REEP1: variants seen among roughly 807,000 people sequenced by gnomAD.
REEP1 encodes receptor expression-enhancing protein 1.
REEP1 carries 22 observed loss-of-function variants against 40.3 expected under a neutral mutation model. The ratio of observed to expected loss-of-function variants is 0.55; its 90% confidence interval spans 0.39 to 0.78. The LOEUF is 0.78. Among genes scored for constraint, REEP1 ranks in the 30% least tolerant of loss-of-function variants. REEP1 has a pLI of 0.00. For missense variants in REEP1, 280 were observed against 361.1 expected, an observed-to-expected ratio of 0.78 and a Z score of 1.82; for synonymous variants, 116 against 139.2, an observed-to-expected ratio of 0.83 and a Z score of 1.17.
intron 1 of REEP1, among the ~76,000 whole-genome samples, chr2:86,300,503 T>C (rs538959814): frequency 6.6e-6 from 1 of 152,202 alleles, no homozygotes; most frequent in Non-Finnish European, 1.5e-5. Context: ...ATGGCCGTGC[T>C]TGGCCATATA....
chr2:86,337,889 G>A (rs1010876690), upstream of REEP1: 232 of 941,398 alleles, frequency 2.5e-4, no homozygotes, highest in Middle Eastern at 6.5e-4. The surrounding 1 kb of genome is among the most constrained non-coding windows in gnomAD (Gnocchi z 5.8). Context: ...AGGGACCCGG[G>A]TGCTGCCCCA....
At chr2:86,265,562 T>A (rs1199787044) in intron 2 of REEP1, among the ~76,000 whole-genome samples, 1 of 150,896 alleles carries the variant, frequency 6.6e-6, no homozygotes, top group African/African-American at 2.5e-5. Context: ...GAAAATGGGG[T>A]GTATATACAT....
chr2:86,219,419 T>C (rs1467318467), intron 8 of REEP1, among the ~76,000 whole-genome samples: 1 of 151,762 alleles, frequency 6.6e-6, no homozygotes, highest in Non-Finnish European at 1.5e-5. Flanking sequence ...AAGACCTAGA[T>C]ACTTTACCAC....
chr2:86,306,823 G>C (rs919569455), intron 1 of REEP1, among the ~76,000 whole-genome samples: 6 of 151,802 alleles, frequency 4.0e-5, no homozygotes, highest in African/African-American at 1.5e-4. Context: ...TCAGTACTCT[G>C]TGTGAAAAGC....
intron 1 of REEP1, among the ~76,000 whole-genome samples, chr2:86,313,305 T>C (rs1390759326): frequency 1.1e-4 from 17 of 151,240 alleles, no homozygotes; most frequent in East Asian, 3.9e-4. Flanking sequence ...CTTTTCTTTT[T>C]TTTTTTTTTG....
rs116823373 is a variant in REEP1 at position 86,243,600 on chromosome 2, C to T, written c.417+8357G>A. On this transcript the variant is annotated intron_variant, in intron 5 of 8. Coordinates refer to ENST00000538924, the MANE Select transcript of REEP1 (RefSeq NM_001371279.1). ...CTCCAGGTAGAAACACTGGGAGAGC[C>T]GGAATCCAGCACACTGGTAAAAAGT... 2.2e-3 allele frequency among the ~76,000 whole-genome samples: 338 copies of T among 152,276 alleles called. 6 individuals are homozygous for T. The highest frequency in any genetic ancestry group is 7.7e-3 in the African/African-American group (319 of 41,534).
intron 5 of REEP1, among the ~76,000 whole-genome samples, chr2:86,249,001 G>C (rs556496870): frequency 2.6e-5 from 4 of 152,292 alleles, no homozygotes; most frequent in Middle Eastern, 3.4e-3. Context: ...TGGGATGCCT[G>C]TAATCCCAGC....
intron 6 of REEP1, among the ~76,000 whole-genome samples, chr2:86,229,509 C>A (rs1674893837): frequency 6.6e-6 from 1 of 151,968 alleles, no homozygotes; most frequent in Admixed American, 6.6e-5. Context: ...GGCATGTTGA[C>A]CTTACTTCAG....
At chr2:86,218,723 G>T (rs1463180483) in intron 8 of REEP1, among the ~76,000 whole-genome samples, 1 of 152,350 alleles carries the variant, frequency 6.6e-6, no homozygotes, top group African/African-American at 2.4e-5. Flanking sequence ...CAGTGTCCAA[G>T]CCCAGAACAT....
At chr2:86,245,160 G>A (rs951999942) in intron 5 of REEP1, among the ~76,000 whole-genome samples, 3 of 151,956 alleles carry the variant, frequency 2.0e-5, no homozygotes, top group Non-Finnish European at 4.4e-5. Flanking sequence ...CAAAGGGGGT[G>A]GGGGGCTAGT....
chr2:86,311,004 A>G (rs1450343580), intron 1 of REEP1, among the ~76,000 whole-genome samples: 1 of 152,134 alleles, frequency 6.6e-6, no homozygotes, highest in East Asian at 1.9e-4. Context: ...TTCAGTCTAG[A>G]AGGGTCTAGG....
intron 4 of REEP1, among the ~76,000 whole-genome samples, chr2:86,254,489 G>A (rs796267215): frequency 1.4e-4 from 21 of 152,170 alleles, no homozygotes; most frequent in African/African-American, 5.1e-4. Context: ...AGTAAATAAT[G>A]ACAAATAACA....
intron 1 of REEP1, among the ~76,000 whole-genome samples, chr2:86,319,620 A>G (rs970517506): frequency 4.6e-5 from 7 of 152,108 alleles, no homozygotes; most frequent in African/African-American, 1.4e-4. Context: ...ACTTGAACCT[A>G]GGAGGCAATG....
At chr2:86,227,594 A>G (rs1674779780) in intron 6 of REEP1, among the ~76,000 whole-genome samples, 196 bp from the exon 7 acceptor site, 1 of 152,142 alleles carries the variant, frequency 6.6e-6, no homozygotes, top group Non-Finnish European at 1.5e-5. Context: ...TCAGGTGCAG[A>G]AGATACCCTC....
chr2:86,258,649 T>A (rs866923783), intron 3 of REEP1, among the ~76,000 whole-genome samples: 2 of 152,206 alleles, frequency 1.3e-5, no homozygotes, highest in Non-Finnish European at 2.9e-5. Context: ...CCTAGAGGCC[T>A]TGGGGTCCCT....
chr2:86,238,637 C>T (rs1035514508), intron 5 of REEP1, among the ~76,000 whole-genome samples: 79 of 152,114 alleles, frequency 5.2e-4, no homozygotes, highest in African/African-American at 1.9e-3. Flanking sequence ...GAGGATCCTG[C>T]TGAACAAGCC....
intron 6 of REEP1, among the ~76,000 whole-genome samples, chr2:86,231,075 C>T (rs954912309): frequency 6.6e-6 from 1 of 152,204 alleles, no homozygotes; most frequent in African/African-American, 2.4e-5. Context: ...TGGGCACTGG[C>T]CCCGGAGTCA....
intron 7 of REEP1, among the ~76,000 whole-genome samples, chr2:86,225,519 C>T (rs1674634001): frequency 6.6e-6 from 1 of 152,222 alleles, no homozygotes; most frequent in South Asian, 2.1e-4. Context: ...GATCTGCCTG[C>T]CTCGGTCTCC....
chr2:86,307,729 CA>C lies in REEP1; in HGVS notation c.33-25488del, dbSNP rs369591109. On this transcript the variant is annotated intron_variant, in intron 1 of 8. Transcript: ENST00000538924. Reference sequence around the variant, plus strand: ...TGGGCTACAGAGCAAGACTCCGTCTCAAAAAAAAAAAGACAAGAAAAGAAAA... The same window carrying C: ...TGGGCTACAGAGCAAGACTCCGTCTCAAAAAAAAAAGACAAGAAAAGAAAA... 5.1e-3 allele frequency among the ~76,000 whole-genome samples: 619 copies of C among 122,198 alleles called. 1 individual carries two copies. The highest frequency in any genetic ancestry group is 0.016 in the African/African-American group (521 of 32,914). 80.2% of individuals were successfully genotyped at this position (122,198 alleles called of 152,430 possible).
Sources: gnomAD v4.1 joint callset for allele counts (sites outside exome capture counted in the v4.1 genomes callset) on GRCh38, gnomAD v4.1.1 for gene constraint, Gnocchi (gnomAD v3.1) non-coding constraint, MANE v1.5 for transcripts, NCBI Gene and HGNC (gene_info 2026-07-23, HGNC 2026-07-21) for gene names.